The following SPATA16 variants were observed in gnomAD, a reference collection of about 807,000 sequenced individuals.
SPATA16 encodes the protein spermatogenesis associated 16.
In SPATA16, 36 loss-of-function variants were observed where a neutral mutation model predicts 63.3. That is an observed-to-expected ratio of 0.57 (90% CI 0.44 to 0.75). The LOEUF is 0.75. Ranked by LOEUF, SPATA16 falls within the 30% of genes least tolerant of loss-of-function variation. SPATA16 has a pLI of 0.00. For synonymous variants in SPATA16, 203 were observed against 216.7 expected (o/e 0.94, Z 0.56); for missense variants, 646 against 679.3 (o/e 0.95, Z 0.54).
intron 5 of SPATA16, among the ~76,000 whole-genome samples, chr3:172,960,642 G>A (rs551123286): frequency 6.6e-6 from 1 of 152,084 alleles, no homozygotes; most frequent in South Asian, 2.1e-4. Context: ...AGAGACCATG[G>A]GACAGCAAGG....
intron 4 of SPATA16, among the ~76,000 whole-genome samples, chr3:173,001,523 A>T (rs1734829030): frequency 6.6e-6 from 1 of 152,172 alleles, no homozygotes; most frequent in South Asian, 2.1e-4. Flanking sequence ...GACCTGGTAT[A>T]GCTCTCAGAG....
intron 2 of SPATA16, among the ~76,000 whole-genome samples, chr3:173,095,555 G>A (rs996789339): frequency 7.2e-5 from 11 of 152,034 alleles, no homozygotes; most frequent in African/African-American, 2.7e-4. Flanking sequence ...CTGATGTTGT[G>A]GAAGAAATAT....
At chr3:172,902,673 G>A (rs1459878898) in intron 10 of SPATA16, among the ~76,000 whole-genome samples, 2 of 152,130 alleles carry the variant, frequency 1.3e-5, no homozygotes. Context: ...TCCAACATAT[G>A]TCCACACTCA....
intron 6 of SPATA16, among the ~76,000 whole-genome samples, chr3:172,931,454 C>T (rs1436132208): frequency 1.3e-5 from 2 of 151,968 alleles, no homozygotes; most frequent in African/African-American, 2.4e-5. Context: ...TGCTATGTTG[C>T]TCAAAGTGGT....
chr3:173,104,798 T>A (rs1277281368), intron 2 of SPATA16, among the ~76,000 whole-genome samples: 1 of 152,210 alleles, frequency 6.6e-6, no homozygotes, highest in African/African-American at 2.4e-5. Flanking sequence ...CTGTCAATCA[T>A]ATTTTTCTTG....
At position 172,978,155 on chromosome 3, in the gene SPATA16, C is replaced by CTA. The variant is rs1307939428; in HGVS notation, c.849-1104_849-1103insTA. Among the ~76,000 whole-genome samples, 495 of 148,950 alleles carry CTA rather than the reference C, an allele frequency of 3.3e-3. 1 individual carries two copies. Among genetic ancestry groups the CTA allele is most frequent in the Non-Finnish European group, 5.3e-3 (360 of 67,578 alleles). On this transcript the variant is annotated intron_variant, in intron 4 of 10. Transcript: ENST00000351008. ...TCTCTCTCCCTCTCTCTCTCTCTCT[C>CTA]TCTCTCTATATATATATATAAACAC...
chr3:173,110,051 G>A (rs891207663), intron 2 of SPATA16, among the ~76,000 whole-genome samples: 2 of 151,996 alleles, frequency 1.3e-5, no homozygotes, highest in African/African-American at 2.4e-5. Flanking sequence ...GGGGTTAAAA[G>A]GGAAATTCAT....
intron 2 of SPATA16, among the ~76,000 whole-genome samples, chr3:173,092,841 T>C (rs751580650): frequency 2.6e-5 from 4 of 152,268 alleles, no homozygotes; most frequent in African/African-American, 7.2e-5. Flanking sequence ...GTTTTGTTTC[T>C]TTTCTCATTG....
chr3:172,900,566 C>T (rs1732106654), intron 10 of SPATA16, among the ~76,000 whole-genome samples: 1 of 152,082 alleles, frequency 6.6e-6, no homozygotes, highest in Non-Finnish European at 1.5e-5. Flanking sequence ...TTATTACAGT[C>T]TTACAGATCC....
chr3:172,947,689 A>G (rs1426880016), intron 6 of SPATA16, among the ~76,000 whole-genome samples: 2 of 152,168 alleles, frequency 1.3e-5, no homozygotes, highest in African/African-American at 4.8e-5. Context: ...CAGAAAACCA[A>G]ACACCGCACG....
At chr3:172,952,577 T>G (rs1011732752) in intron 6 of SPATA16, among the ~76,000 whole-genome samples, 7 of 152,148 alleles carry the variant, frequency 4.6e-5, no homozygotes, top group Admixed American at 4.6e-4. Context: ...TGACCATTAC[T>G]CAGTCAGAAA....
intron 2 of SPATA16, among the ~76,000 whole-genome samples, chr3:173,065,168 C>A (rs1413975119): frequency 6.6e-6 from 1 of 152,188 alleles, no homozygotes; most frequent in Non-Finnish European, 1.5e-5. Context: ...ATTTAACCTA[C>A]TGATGCATAT....
chr3:173,089,298 G>C (rs866740124), intron 2 of SPATA16, among the ~76,000 whole-genome samples: 1 of 152,206 alleles, frequency 6.6e-6, no homozygotes, highest in South Asian at 2.1e-4. Flanking sequence ...GTCCTCTGTG[G>C]TGCACTTCCT....
intron 10 of SPATA16, among the ~76,000 whole-genome samples, chr3:172,908,006 TA>T (rs1283172646): frequency 6.6e-6 from 1 of 152,232 alleles, no homozygotes; most frequent in Non-Finnish European, 1.5e-5. Flanking sequence ...GGGCATTCAC[TA>T]CTTTATAACA....
chr3:173,047,670 A>G (rs1735988439), intron 3 of SPATA16, among the ~76,000 whole-genome samples: 6 of 152,150 alleles, frequency 3.9e-5, no homozygotes, highest in Admixed American at 3.9e-4. Context: ...ACATACTGAA[A>G]TACACATTAC....
intron 10 of SPATA16, among the ~76,000 whole-genome samples, chr3:172,904,636 A>G (rs1732195630): frequency 6.6e-6 from 1 of 152,234 alleles, no homozygotes; most frequent in Non-Finnish European, 1.5e-5. Context: ...TAGCAAATGC[A>G]GCTGCTGAAA....
Position 173,049,108 on chromosome 3 carries a change from A to G in SPATA16, c.613-14T>C. 6.2e-7 allele frequency: 1 copy of G among 1,603,086 alleles called. No homozygotes were observed. Among genetic ancestry groups the G allele is most frequent in the Non-Finnish European group, 8.5e-7 (1 of 1,173,882 alleles). On this transcript the variant is annotated splice_polypyrimidine_tract_variant and intron_variant, in intron 2 of 10. Coordinates refer to ENST00000351008, the MANE Select transcript of SPATA16 (RefSeq NM_031955.6). ...TTTGCTGCAAAGCTTTAAAAAATAT[A>G]GTACTTTCAACATCTTAATAATCTT...
At chr3:172,945,892 G>C (rs531317210) in intron 6 of SPATA16, among the ~76,000 whole-genome samples, 1 of 152,254 alleles carries the variant, frequency 6.6e-6, no homozygotes, top group African/African-American at 2.4e-5. Context: ...CATGACACTA[G>C]GGAGACACCA....
At position 173,018,376 on chromosome 3, in the gene SPATA16, G is replaced by A. The variant is rs189368865; in HGVS notation, c.848+1110C>T. ...CACAACCTCTACCTCCTGGGTTCAA[G>A]CGATTCTCCTACCTCAACCTCCTGA... On this transcript the variant is annotated intron_variant, in intron 4 of 10. Transcript: ENST00000351008. 1.3e-4 allele frequency among the ~76,000 whole-genome samples: 19 copies of A among 151,306 alleles called. No individual in the cohort carries two copies. The East Asian group carries it at 3.3e-3, about 26-fold the overall frequency.
Sources: gnomAD v4.1 joint callset for allele counts (sites outside exome capture counted in the v4.1 genomes callset) on GRCh38, gnomAD v4.1.1 for gene constraint, MANE v1.5 for transcripts, NCBI Gene and HGNC (gene_info 2026-07-23, HGNC 2026-07-21) for gene names.